The following PLCB1 variants were observed in gnomAD, a reference collection of about 807,000 sequenced individuals.
PLCB1 encodes phospholipase C beta 1.
In PLCB1, 46 loss-of-function variants were observed where a neutral mutation model predicts 161.8. The observed-to-expected ratio is 0.28, with a 90% confidence interval of 0.22 to 0.36. PLCB1 has a LOEUF of 0.36. Ranked by LOEUF, PLCB1 falls within the 10% of genes least tolerant of loss-of-function variation. The probability of loss-of-function intolerance (pLI) is 1.00; values close to 1 mark genes in which losing one functional copy is unlikely to be tolerated. For synonymous variants in PLCB1, 517 were observed against 503.7 expected (o/e 1.03, Z -0.35); for missense variants, 1,016 against 1,472.5 (o/e 0.69, Z 5.07).
At chr20:8,502,461 CAT>C (rs1400476571) in intron 3 of PLCB1, among the ~76,000 whole-genome samples, 1 of 152,084 alleles carries the variant, frequency 6.6e-6, no homozygotes, top group Non-Finnish European at 1.5e-5. Context: ...ATATGGATAT[CAT>C]ATATGAAGGA....
intron 2 of PLCB1, among the ~76,000 whole-genome samples, chr20:8,173,567 T>C (rs900035104): frequency 5.9e-5 from 9 of 152,202 alleles, no homozygotes; most frequent in African/African-American, 1.7e-4. Flanking sequence ...AGTCTTCTAA[T>C]ATACAAAAAT....
intron 3 of PLCB1, among the ~76,000 whole-genome samples, chr20:8,480,314 A>AAC (rs11471576): frequency 0.72 from 109,184 of 151,886 alleles, 39,418 homozygotes; most frequent in Admixed American, 0.78. Flanking sequence ...AGAGAAAAAC[A>AAC]ACAGATTTGG....
chr20:8,571,277 T>C (rs1353932377), intron 3 of PLCB1, among the ~76,000 whole-genome samples: 2 of 151,506 alleles, frequency 1.3e-5, no homozygotes, highest in Non-Finnish European at 2.9e-5. Flanking sequence ...AGGTCAGGAG[T>C]TCAAGACCAA....
intron 31 of PLCB1, among the ~76,000 whole-genome samples, chr20:8,867,856 T>C (rs2146321185): frequency 1.3e-5 from 2 of 152,316 alleles, no homozygotes; most frequent in South Asian, 4.2e-4. Context: ...CCATAGATAT[T>C]TGAGTTCAGA....
intron 31 of PLCB1, among the ~76,000 whole-genome samples, chr20:8,815,640 T>C (rs749486154): frequency 1.3e-5 from 2 of 152,206 alleles, no homozygotes; most frequent in Non-Finnish European, 2.9e-5. Flanking sequence ...ATCTTCAGCC[T>C]CCTTGCTTTG....
At chr20:8,526,182 AT>A (rs1216567784) in intron 3 of PLCB1, among the ~76,000 whole-genome samples, 1 of 152,080 alleles carries the variant, frequency 6.6e-6, no homozygotes, top group Non-Finnish European at 1.5e-5. Context: ...TGATACTCTA[AT>A]TTTTTAAGTT....
intron 2 of PLCB1, among the ~76,000 whole-genome samples, chr20:8,290,060 T>C (rs1257478121): frequency 6.6e-6 from 1 of 152,222 alleles, no homozygotes; most frequent in East Asian, 1.9e-4. Flanking sequence ...ATTTTTACTG[T>C]GTACCCTAAA....
chr20:8,879,144 C>A (rs1987884213), intron 31 of PLCB1, among the ~76,000 whole-genome samples: 1 of 152,116 alleles, frequency 6.6e-6, no homozygotes, highest in African/African-American at 2.4e-5. Flanking sequence ...TGATTTCATA[C>A]TTTTTATGGC....
At chr20:8,558,538 G>T (rs1316929645) in intron 3 of PLCB1, among the ~76,000 whole-genome samples, 1 of 151,594 alleles carries the variant, frequency 6.6e-6, no homozygotes, top group African/African-American at 2.4e-5. Flanking sequence ...CATAATGGTT[G>T]TAAAACTCTC....
intron 17 of PLCB1, among the ~76,000 whole-genome samples, 198 bp from the exon 18 acceptor site, chr20:8,728,852 T>C (rs1474830737): frequency 6.6e-6 from 1 of 152,082 alleles, no homozygotes; most frequent in East Asian, 1.9e-4. Flanking sequence ...TTTGCTATTA[T>C]GCATGAAGTG....
intron 7 of PLCB1, among the ~76,000 whole-genome samples, chr20:8,655,246 T>C (rs1356768762): frequency 2.0e-5 from 3 of 152,144 alleles, no homozygotes; most frequent in African/African-American, 7.2e-5. Flanking sequence ...AAATTTGATA[T>C]TTCAAAGGAA....
At chr20:8,214,109 C>G (rs548542073) in intron 2 of PLCB1, among the ~76,000 whole-genome samples, 3 of 152,230 alleles carry the variant, frequency 2.0e-5, no homozygotes, top group African/African-American at 7.2e-5. Flanking sequence ...AGCAGTCTTA[C>G]ACGTAAGCTT....
At chr20:8,681,084 G>GCATATATA (rs1555782769) in intron 9 of PLCB1, among the ~76,000 whole-genome samples, 1 of 39,790 alleles carries the variant, frequency 2.5e-5, no homozygotes, top group African/African-American at 1.2e-4. Flanking sequence ...ATATGTGTGT[G>GCATATATA]TGTATATATA....
At chr20:8,391,789 A>ACC (rs1987601905) in intron 3 of PLCB1, among the ~76,000 whole-genome samples, 3 of 26,710 alleles carry the variant, frequency 1.1e-4, no homozygotes, top group Admixed American at 4.1e-4. Flanking sequence ...GTGTGTGTAT[A>ACC]TATATATATA....
chr20:8,676,091 C>T (rs575031635), intron 9 of PLCB1, among the ~76,000 whole-genome samples: 20 of 152,320 alleles, frequency 1.3e-4, no homozygotes, highest in South Asian at 8.3e-4. Flanking sequence ...GGCTACAGGC[C>T]GGGCGCGGCG....
intron 3 of PLCB1, among the ~76,000 whole-genome samples, chr20:8,591,450 T>C (rs1987147989): frequency 6.6e-6 from 1 of 152,214 alleles, no homozygotes; most frequent in Non-Finnish European, 1.5e-5. Flanking sequence ...AAGAGCTTTA[T>C]TTTTCATCTA....
chr20:8,770,115 G>A (rs980972228), intron 26 of PLCB1, among the ~76,000 whole-genome samples: 10 of 152,142 alleles, frequency 6.6e-5, no homozygotes, highest in Admixed American at 2.0e-4. Flanking sequence ...ACCACGCCCA[G>A]CTAATTTTTT....
chr20:8,663,313 A>C (rs1478522775), intron 9 of PLCB1, among the ~76,000 whole-genome samples: 2 of 152,062 alleles, frequency 1.3e-5, no homozygotes, highest in Non-Finnish European at 2.9e-5. Flanking sequence ...AAGCAAATAA[A>C]TAATATACAA....
At chr20:8,540,730 A>T (rs1025506819) in intron 3 of PLCB1, among the ~76,000 whole-genome samples, 9 of 152,090 alleles carry the variant, frequency 5.9e-5, no homozygotes, top group African/African-American at 2.2e-4. Flanking sequence ...GATATAACTG[A>T]TGATTAGAGT....
Sources: gnomAD v4.1 joint callset for allele counts (sites outside exome capture counted in the v4.1 genomes callset) on GRCh38, gnomAD v4.1.1 for gene constraint, MANE v1.5 for transcripts, NCBI Gene and HGNC (gene_info 2026-07-23, HGNC 2026-07-21) for gene names.